The following CCSER1 variants were observed in gnomAD, a reference collection of about 807,000 sequenced individuals.
CCSER1 encodes coiled-coil serine rich protein 1, also known as serine-rich coiled-coil domain-containing protein 1.
A neutral mutation model predicts 82.0 loss-of-function variants in CCSER1; 41 were observed. The observed-to-expected ratio is 0.50, with a 90% CI of 0.39 to 0.65. The LOEUF (loss-of-function observed/expected upper bound fraction) is 0.65, where lower values mean the gene tolerates loss of function less well. Among genes scored for constraint, CCSER1 ranks in the 30% least tolerant of loss-of-function variants. The pLI, the probability that CCSER1 is intolerant of heterozygous loss-of-function variation, is 0.00. For missense variants in CCSER1, 1,119 were observed against 1,064.2 expected, an observed-to-expected ratio of 1.05 and a Z score of -0.72; for synonymous variants, 414 against 383.9, an observed-to-expected ratio of 1.08 and a Z score of -0.92.
chr4:90,764,470 A>G (rs1227428385), intron 7 of CCSER1, among the ~76,000 whole-genome samples: 1 of 152,134 alleles, frequency 6.6e-6, no homozygotes, highest in Non-Finnish European at 1.5e-5. Flanking sequence ...AATTTTTCTT[A>G]GGTGTTTTAT....
chr4:91,397,313 C>G (rs115700240), intron 10 of CCSER1, among the ~76,000 whole-genome samples: 139 of 152,046 alleles, frequency 9.1e-4, no homozygotes, highest in African/African-American at 3.2e-3. Flanking sequence ...AGAAACAAAC[C>G]ATTTTGTATA....
At chr4:90,499,461 A>G (rs78675165) in intron 5 of CCSER1, among the ~76,000 whole-genome samples, 2 of 152,284 alleles carry the variant, frequency 1.3e-5, no homozygotes, top group Non-Finnish European at 2.9e-5. Context: ...AATTTGGGAC[A>G]CTAGTTAATG....
intron 10 of CCSER1, among the ~76,000 whole-genome samples, chr4:91,422,025 C>G (rs1016453920): frequency 1.3e-5 from 2 of 152,046 alleles, no homozygotes; most frequent in African/African-American, 4.8e-5. Flanking sequence ...CTGCCAGAAA[C>G]TGAATTTTGT....
intron 5 of CCSER1, among the ~76,000 whole-genome samples, chr4:90,522,010 G>A (rs1282291501): frequency 6.6e-6 from 1 of 152,002 alleles, no homozygotes; most frequent in Non-Finnish European, 1.5e-5. Flanking sequence ...CGTCACATTT[G>A]TCTACTCTCT....
intron 9 of CCSER1, among the ~76,000 whole-genome samples, chr4:91,080,126 A>T (rs1283559334): frequency 2.6e-5 from 4 of 152,206 alleles, no homozygotes; most frequent in Non-Finnish European, 5.9e-5. Context: ...TCTTCTAAGC[A>T]CCACATCACA....
chr4:91,422,068 C>T (rs1369714693), intron 10 of CCSER1, among the ~76,000 whole-genome samples: 1 of 152,128 alleles, frequency 6.6e-6, no homozygotes, highest in Non-Finnish European at 1.5e-5. Flanking sequence ...AGTAAATTCT[C>T]TTCCAGAGCC....
chr4:90,794,846 A>G (rs1432002405), intron 7 of CCSER1, among the ~76,000 whole-genome samples: 1 of 152,102 alleles, frequency 6.6e-6, no homozygotes, highest in African/African-American at 2.4e-5. Flanking sequence ...GATTTCTTCG[A>G]GAAGTGTTTT....
At chr4:90,859,313 T>C (rs559908566) in intron 8 of CCSER1, among the ~76,000 whole-genome samples, 3 of 151,902 alleles carry the variant, frequency 2.0e-5, no homozygotes, top group Non-Finnish European at 2.9e-5. Context: ...AAAAATGTTA[T>C]TGTCCACTCA....
At chr4:91,418,652 G>A (rs569361514) in intron 10 of CCSER1, among the ~76,000 whole-genome samples, 3 of 152,016 alleles carry the variant, frequency 2.0e-5, no homozygotes, top group Admixed American at 6.5e-5. Flanking sequence ...AGCCTTTAAA[G>A]AAGAAATACA....
chr4:90,204,132 T>G (rs1738309749), intron 1 of CCSER1, among the ~76,000 whole-genome samples: 1 of 152,228 alleles, frequency 6.6e-6, no homozygotes, highest in Admixed American at 6.5e-5. Flanking sequence ...TTTCTCCCAT[T>G]CTGTAGGTTG....
intron 4 of CCSER1, among the ~76,000 whole-genome samples, chr4:90,446,104 A>G (rs1349817000): frequency 6.6e-6 from 1 of 152,136 alleles, no homozygotes; most frequent in Admixed American, 6.6e-5. Context: ...GAAAATTTGT[A>G]TTTTTGGCAA....
At chr4:90,432,468 G>A (rs1758414220) in intron 4 of CCSER1, among the ~76,000 whole-genome samples, 1 of 152,094 alleles carries the variant, frequency 6.6e-6, no homozygotes, top group African/African-American at 2.4e-5. Flanking sequence ...TCAGTACAAT[G>A]TTCATAACAC....
Position 91,431,053 on chromosome 4 carries a change from G to A in CCSER1, c.2218-167519G>A, listed in dbSNP as rs190316958. On this transcript the variant is annotated intron_variant, in intron 10 of 10. Coordinates refer to ENST00000509176, the MANE Select transcript of CCSER1 (RefSeq NM_001145065.2). The stretch of plus-strand genomic sequence containing the variant: ...AGTTCAAGACCATCCTGGCTAACAC[G>A]GTGAAACCCCGTCTCTACTAAAAAT... Among the ~76,000 whole-genome samples, 15 of 152,246 alleles carry A rather than the reference G, an allele frequency of 9.9e-5. No individual in the cohort carries two copies. In the East Asian group the frequency reaches 1.2e-3, roughly 12 times the overall value.
intron 1 of CCSER1, among the ~76,000 whole-genome samples, chr4:90,219,233 T>G (rs1053633670): frequency 7.9e-5 from 12 of 152,200 alleles, no homozygotes; most frequent in African/African-American, 2.9e-4. Context: ...CAGGATGCAC[T>G]GACGTATTTG....
chr4:90,850,703 G>A (rs1301178507), intron 8 of CCSER1, among the ~76,000 whole-genome samples: 2 of 152,302 alleles, frequency 1.3e-5, no homozygotes, highest in South Asian at 2.1e-4. Context: ...TAACTAATAT[G>A]CCTTTGATTT....
chr4:91,164,656 T>G (rs1364040367), intron 10 of CCSER1, among the ~76,000 whole-genome samples: 1 of 152,146 alleles, frequency 6.6e-6, no homozygotes, highest in African/African-American at 2.4e-5. Context: ...TCTAAACTTC[T>G]CTTCTCACTT....
intron 5 of CCSER1, among the ~76,000 whole-genome samples, chr4:90,511,093 A>C (rs2153617241): frequency 1.3e-5 from 2 of 152,260 alleles, no homozygotes; most frequent in South Asian, 4.2e-4. Flanking sequence ...TAATCAACCA[A>C]CTCAAATGTT....
chr4:90,333,868 A>G (rs921973889), intron 3 of CCSER1, among the ~76,000 whole-genome samples: 3 of 152,204 alleles, frequency 2.0e-5, no homozygotes, highest in African/African-American at 7.2e-5. Flanking sequence ...CCTGCAGGAC[A>G]ATTATCAATT....
chr4:90,347,349 C>CTATCTATCT (rs927582206), intron 3 of CCSER1, among the ~76,000 whole-genome samples: 1 of 151,252 alleles, frequency 6.6e-6, no homozygotes, highest in East Asian at 1.9e-4. Context: ...ATCTATCTAT[C>CTATCTATCT]TATATACTTT....
Sources: gnomAD v4.1 joint callset for allele counts (sites outside exome capture counted in the v4.1 genomes callset) on GRCh38, gnomAD v4.1.1 for gene constraint, MANE v1.5 for transcripts, NCBI Gene and HGNC (gene_info 2026-07-23, HGNC 2026-07-21) for gene names.